ADK: variants seen among roughly 807,000 people sequenced by gnomAD.
ADK encodes the protein N6,N6-dimethyladenosine kinase.
Under a neutral mutation model 44.7 loss-of-function variants are expected in ADK, and 24 were observed. That is an observed-to-expected ratio of 0.54 (90% CI 0.39 to 0.76). The LOEUF is 0.76. ADK is among the 30% of genes least tolerant of loss of function. ADK has a pLI of 0.00. For missense variants in ADK, 321 were observed against 425.1 expected (o/e 0.76, Z 2.15); for synonymous variants, 128 against 142.6 (o/e 0.90, Z 0.73).
At chr10:74,611,490 T>C (rs1341006924) in intron 9 of ADK, among the ~76,000 whole-genome samples, 4 of 145,260 alleles carry the variant, frequency 2.8e-5, no homozygotes, top group Non-Finnish European at 6.1e-5. Flanking sequence ...AGTCCTACCT[T>C]TTTTTTTTTT....
At chr10:74,430,138 G>A (rs1844932039) in intron 6 of ADK, among the ~76,000 whole-genome samples, 1 of 152,138 alleles carries the variant, frequency 6.6e-6, no homozygotes, top group Non-Finnish European at 1.5e-5. Flanking sequence ...ACTGGCTTGT[G>A]TCCAAGCTTT....
At chr10:74,654,722 G>A (rs980333450) in intron 9 of ADK, among the ~76,000 whole-genome samples, 34 of 152,176 alleles carry the variant, frequency 2.2e-4, no homozygotes, top group Non-Finnish European at 3.5e-4. Context: ...TGAGGCAGGA[G>A]GATTGCTTGA....
chr10:74,571,184 G>A (rs1315513704), intron 7 of ADK, among the ~76,000 whole-genome samples: 1 of 152,190 alleles, frequency 6.6e-6, no homozygotes, highest in Non-Finnish European at 1.5e-5. Flanking sequence ...GCTGGATTCG[G>A]TTTGCCAGTA....
intron 7 of ADK, among the ~76,000 whole-genome samples, chr10:74,561,249 G>C (rs2133816465): frequency 6.6e-6 from 1 of 152,276 alleles, no homozygotes; most frequent in East Asian, 1.9e-4. Flanking sequence ...TATTCCACCA[G>C]TTACTCCTTC....
chr10:74,224,975 C>T (rs1454035606), intron 3 of ADK, among the ~76,000 whole-genome samples: 1 of 152,242 alleles, frequency 6.6e-6, no homozygotes, highest in East Asian at 1.9e-4. Flanking sequence ...GGGTCTTACT[C>T]CGGTGGATCA....
At chr10:74,650,926 A>C (rs1294257265) in intron 9 of ADK, among the ~76,000 whole-genome samples, 3 of 152,128 alleles carry the variant, frequency 2.0e-5, no homozygotes, top group Non-Finnish European at 4.4e-5. Flanking sequence ...CATTCTCAGA[A>C]ACAAAAATAC....
At chr10:74,467,123 CT>C (rs1233848792) in intron 6 of ADK, among the ~76,000 whole-genome samples, 2 of 152,018 alleles carry the variant, frequency 1.3e-5, no homozygotes, top group South Asian at 2.1e-4. Flanking sequence ...TTATAACCAT[CT>C]TTTTTTAAAA....
chr10:74,367,156 G>A (rs1390644231), intron 4 of ADK, among the ~76,000 whole-genome samples: 1 of 152,106 alleles, frequency 6.6e-6, no homozygotes, highest in Non-Finnish European at 1.5e-5. Context: ...CTTTAATTTA[G>A]TTGCTAAACC....
At chr10:74,655,253 A>G in intron 9 of ADK, 1 of 445,244 alleles carries the variant, frequency 2.2e-6, no homozygotes. Flanking sequence ...GAGGCCACCC[A>G]GAAGTGATCC....
intron 6 of ADK, among the ~76,000 whole-genome samples, chr10:74,434,751 T>C (rs1845124309): frequency 1.3e-5 from 2 of 152,172 alleles, no homozygotes; most frequent in Admixed American, 6.6e-5. Flanking sequence ...GATGTGGAAC[T>C]TCAGCTTGAG....
intron 6 of ADK, among the ~76,000 whole-genome samples, chr10:74,511,898 T>C (rs2133526284): frequency 6.6e-6 from 1 of 152,310 alleles, no homozygotes; most frequent in South Asian, 2.1e-4. Flanking sequence ...GGAAATGCTT[T>C]CAGGTTTCAG....
chr10:74,597,898 G>A (rs1036702821), intron 8 of ADK, among the ~76,000 whole-genome samples: 2 of 152,062 alleles, frequency 1.3e-5, no homozygotes, highest in African/African-American at 4.8e-5. Context: ...CTGGCTTAAG[G>A]TGATGTCTGT....
At position 74,190,112 on chromosome 10, in the gene ADK, C is replaced by G. The variant is rs115545816; in HGVS notation, c.66-10652C>G. Among the ~76,000 whole-genome samples the G allele has an allele frequency of 8.3e-3, 1,262 of 152,262 alleles. 21 individuals are homozygous for G. The highest frequency in any genetic ancestry group is 0.029 in the African/African-American group (1,197 of 41,550). On this transcript the variant is annotated intron_variant, in intron 1 of 10. Coordinates refer to ENST00000539909, the MANE Select transcript of ADK (RefSeq NM_006721.4). Reference sequence around the variant, plus strand: ...TCTATTTCCCCTAAGGGTAGAATTGCTGGGGCATGTGGTAATTTTATGTTT... The same window carrying G: ...TCTATTTCCCCTAAGGGTAGAATTGGTGGGGCATGTGGTAATTTTATGTTT...
In ADK at chr10:74,656,504, A is replaced by T. The variant is rs759345421; in HGVS notation, c.878-13679A>T. On this transcript the variant is annotated intron_variant, in intron 9 of 10. Coordinates refer to ENST00000539909, the MANE Select transcript of ADK (RefSeq NM_006721.4). ...GGGCCGTCAGGCAGCAAGTGTGAGGACTGCAGCTTTTGCTGGTGCTCCCTT... is the reference window on the plus strand; with the variant it reads ...GGGCCGTCAGGCAGCAAGTGTGAGGTCTGCAGCTTTTGCTGGTGCTCCCTT... Among the ~76,000 whole-genome samples, 18 of 152,268 alleles carry T rather than the reference A, an allele frequency of 1.2e-4. No individual in the cohort carries two copies. The South Asian group carries it at 1.5e-3, about 12-fold the overall frequency.
chr10:74,310,093 A>G lies in ADK; in HGVS notation c.195-4574A>G, dbSNP rs916976840. Among the ~76,000 whole-genome samples, 5 of 152,132 alleles carry G rather than the reference A, an allele frequency of 3.3e-5. No homozygotes were observed. The South Asian group carries it at 1.0e-3, about 31-fold the overall frequency. Reference sequence around the variant, plus strand: ...TAGGCTTGTGGTGGAAAAATGGATCAGGTACTGTCCTTCCAATTCTGTCAG... The same window carrying G: ...TAGGCTTGTGGTGGAAAAATGGATCGGGTACTGTCCTTCCAATTCTGTCAG... On this transcript the variant is annotated intron_variant, in intron 3 of 10. Transcript: ENST00000539909.
intron 6 of ADK, among the ~76,000 whole-genome samples, chr10:74,450,695 C>A (rs956884295): frequency 1.3e-5 from 2 of 152,206 alleles, no homozygotes; most frequent in South Asian, 2.1e-4. Flanking sequence ...TATAAAAATT[C>A]TCTGCTTTAT....
At chr10:74,259,119 A>G (rs1161947883) in intron 3 of ADK, among the ~76,000 whole-genome samples, 1 of 150,604 alleles carries the variant, frequency 6.6e-6, no homozygotes, top group East Asian at 2.0e-4. Context: ...TAATTTTTGT[A>G]TTTTTAGTAG....
chr10:74,512,047 C>T (rs970010800), intron 6 of ADK, among the ~76,000 whole-genome samples: 3 of 152,130 alleles, frequency 2.0e-5, no homozygotes, highest in African/African-American at 7.2e-5. Context: ...TTCTGCTTTT[C>T]ATTGAGATGA....
intron 1 of ADK, among the ~76,000 whole-genome samples, chr10:74,163,206 T>C (rs1407691230): frequency 3.9e-5 from 6 of 152,196 alleles, no homozygotes; most frequent in Admixed American, 3.9e-4. Flanking sequence ...GACCTTGTGA[T>C]CCATCCGCCT....
Sources: gnomAD v4.1 joint callset for allele counts (sites outside exome capture counted in the v4.1 genomes callset) on GRCh38, gnomAD v4.1.1 for gene constraint, MANE v1.5 for transcripts, NCBI Gene and HGNC (gene_info 2026-07-23, HGNC 2026-07-21) for gene names.